FBXW7: variants seen among roughly 807,000 people sequenced by gnomAD.
FBXW7 encodes F-box and WD repeat domain containing 7.
A neutral mutation model predicts 86.3 loss-of-function variants in FBXW7; 11 were observed. The observed-to-expected ratio is 0.13, with a 90% CI of 0.08 to 0.21. FBXW7 has a LOEUF of 0.21. Ranked by LOEUF, FBXW7 falls within the 10% of genes least tolerant of loss-of-function variation. The pLI is 1.00. For missense variants in FBXW7, 488 were observed against 847.4 expected (o/e 0.58, Z 5.27); for synonymous variants, 313 against 297.9 (o/e 1.05, Z -0.52).
chr4:152,527,202 A>G (rs1039191690), intron 2 of FBXW7, among the ~76,000 whole-genome samples: 5 of 152,268 alleles, frequency 3.3e-5, no homozygotes, highest in Non-Finnish European at 7.3e-5. Context: ...TTAAAAGGAT[A>G]ATAAATAGCT....
At chr4:152,334,028 C>T (rs920588672) in intron 7 of FBXW7, among the ~76,000 whole-genome samples, 17 of 151,954 alleles carry the variant, frequency 1.1e-4, no homozygotes, top group Admixed American at 2.0e-4. Flanking sequence ...CACTCCAGCC[C>T]GGGCGACAGA....
chr4:152,414,481 A>G (rs1358206872), intron 2 of FBXW7, among the ~76,000 whole-genome samples: 1 of 152,168 alleles, frequency 6.6e-6, no homozygotes. Flanking sequence ...TATGTCCACA[A>G]ATGACTATAA....
chr4:152,330,817 A>G lies in FBXW7; in HGVS notation c.1037T>C (p.Phe346Ser). 1 of 1,612,682 alleles carries G rather than the reference A, an allele frequency of 6.2e-7. No homozygotes were observed. The highest frequency in any genetic ancestry group is 8.5e-7 in the Non-Finnish European group (1 of 1,178,960). The stretch of plus-strand genomic sequence containing the variant: ...TGCACTTTTCCATGGACTGTGTATG[A>G]AACCTGGTTTTATTACTTTTCTTCT... ...IKRRKVIKPG[F>S]IHSPWKSAYI... Residue 346 changes from phenylalanine (F) to serine (S), a missense_variant, in exon 9 of 14, where the codon TTC becomes TCC. By Grantham distance (155) the Phe-to-Ser change is radical. Around this residue, in one of 4 missense-constraint regions of FBXW7, gnomAD observed 57 missense variants for 62.8 expected, o/e 0.91. Transcript: ENST00000281708.
intron 4 of FBXW7, among the ~76,000 whole-genome samples, chr4:152,408,865 A>T (rs75177483): frequency 6.6e-6 from 1 of 152,166 alleles, no homozygotes; most frequent in Non-Finnish European, 1.5e-5. Context: ...ATGTATCTGT[A>T]GTAGGATCTT....
At chr4:152,451,215 C>A (rs1741880430) in intron 2 of FBXW7, among the ~76,000 whole-genome samples, 3 of 152,208 alleles carry the variant, frequency 2.0e-5, no homozygotes. Context: ...TCACTAACAA[C>A]AATTAAGGAT....
rs576410232 is a variant in FBXW7, at chr4:152,506,333, G to A, written c.-120+28608C>T. On this transcript the variant is annotated intron_variant, in intron 2 of 13. Coordinates refer to ENST00000281708, the MANE Select transcript of FBXW7 (RefSeq NM_001349798.2). ...TTTTTAGTAGAGACGGGGTTTCACCGTGTTAGCCAGGATGGTCTCAATCTC... is the reference window on the plus strand; with the variant it reads ...TTTTTAGTAGAGACGGGGTTTCACCATGTTAGCCAGGATGGTCTCAATCTC... Among the ~76,000 whole-genome samples the A allele has an allele frequency of 6.4e-4, 97 of 152,182 alleles. No homozygotes were observed. The East Asian group carries it at 7.7e-3, about 12-fold the overall frequency.
intron 2 of FBXW7, among the ~76,000 whole-genome samples, chr4:152,481,681 T>C (rs1004832839): frequency 6.6e-6 from 1 of 152,158 alleles, no homozygotes; most frequent in Non-Finnish European, 1.5e-5. Flanking sequence ...AAGAAGTTGA[T>C]CCCAACCCTC....
chr4:152,479,886 T>C (rs1349751961), intron 2 of FBXW7, among the ~76,000 whole-genome samples: 1 of 152,160 alleles, frequency 6.6e-6, no homozygotes, highest in Non-Finnish European at 1.5e-5. Context: ...CCTAAAGGTT[T>C]TGGCATCCAT....
intron 2 of FBXW7, among the ~76,000 whole-genome samples, chr4:152,428,810 G>A (rs1362239778): frequency 6.6e-6 from 1 of 152,184 alleles, no homozygotes; most frequent in Non-Finnish European, 1.5e-5. Context: ...ATTTGATTTT[G>A]TTGTTTTGCC....
rs1378290511 is a variant in FBXW7 at position 152,348,673 on chromosome 4, C to T, written c.584+1369G>A. 1.5e-5 allele frequency: 16 copies of T among 1,097,002 alleles called. No homozygotes were observed. The South Asian group carries it at 1.7e-4, about 12-fold the overall frequency. 68.0% of individuals were successfully genotyped at this position (1,097,002 alleles called of 1,614,324 possible). On this transcript the variant is annotated intron_variant, in intron 5 of 13. Coordinates refer to ENST00000281708, the MANE Select transcript of FBXW7 (RefSeq NM_001349798.2). ...TTAAAAACAAGTGAACAATGTAATA[C>T]CTTTGTCCTGGTATCAGCCATATTA...
intron 4 of FBXW7, among the ~76,000 whole-genome samples, chr4:152,404,861 G>C (rs1325051204): frequency 6.6e-6 from 1 of 152,084 alleles, no homozygotes; most frequent in Non-Finnish European, 1.5e-5. Flanking sequence ...GGGAGGCCCA[G>C]GCAGGAAGAT....
intron 4 of FBXW7, among the ~76,000 whole-genome samples, chr4:152,405,435 A>G (rs1560856717): frequency 6.6e-6 from 1 of 152,254 alleles, no homozygotes; most frequent in East Asian, 1.9e-4. Context: ...AGGAGAGGAG[A>G]TGAAACCAGG....
intron 7 of FBXW7, among the ~76,000 whole-genome samples, chr4:152,337,115 A>G (rs1730211695): frequency 1.3e-5 from 2 of 151,966 alleles, no homozygotes; most frequent in Non-Finnish European, 2.9e-5. Context: ...ACTATGCCTT[A>G]TAGTTATGAA....
At chr4:152,348,449 G>A (rs926185604) in intron 5 of FBXW7, among the ~76,000 whole-genome samples, 3 of 151,728 alleles carry the variant, frequency 2.0e-5, no homozygotes, top group Admixed American at 6.6e-5. Flanking sequence ...CTTCCTAACC[G>A]AGAGTCTCCA....
At chr4:152,498,185 T>C (rs1453145441) in intron 2 of FBXW7, among the ~76,000 whole-genome samples, 1 of 152,020 alleles carries the variant, frequency 6.6e-6, no homozygotes. Flanking sequence ...ATTTCATAAT[T>C]TACACAAATT....
chr4:152,427,889 A>G (rs1739528720), intron 2 of FBXW7, among the ~76,000 whole-genome samples: 1 of 152,206 alleles, frequency 6.6e-6, no homozygotes, highest in Non-Finnish European at 1.5e-5. Context: ...TAACTTCTTA[A>G]CATGTATTGT....
chr4:152,464,674 A>T (rs563982853), intron 2 of FBXW7, among the ~76,000 whole-genome samples: 75 of 152,356 alleles, frequency 4.9e-4, no homozygotes, highest in Non-Finnish European at 1.0e-3. Flanking sequence ...AGAAGAAATG[A>T]ACAGTTGTAA....
intron 6 of FBXW7, among the ~76,000 whole-genome samples, chr4:152,343,859 C>T (rs775866409): frequency 6.6e-5 from 10 of 151,620 alleles, no homozygotes; most frequent in South Asian, 2.1e-4. Flanking sequence ...ATTTGCACTT[C>T]TATTTTCTAG....
In FBXW7 at chr4:152,326,241, G is replaced by C. The variant is rs532283658; in HGVS notation, c.1419-10C>G. On this transcript the variant is annotated splice_polypyrimidine_tract_variant and intron_variant, in intron 11 of 13. Coordinates refer to ENST00000281708, the MANE Select transcript of FBXW7 (RefSeq NM_001349798.2). Reference sequence around the variant, plus strand: ...AGAACCGCTAACAACTCTGCAGAGGGAGAAACAGAAAAACAAAACAAAACA... The same window carrying C: ...AGAACCGCTAACAACTCTGCAGAGGCAGAAACAGAAAAACAAAACAAAACA... 4.1e-5 allele frequency: 66 copies of C among 1,598,234 alleles called. No individual in the cohort carries two copies. Among genetic ancestry groups the C allele is most frequent in the Non-Finnish European group, 5.2e-5 (61 of 1,170,606 alleles).
Sources: gnomAD v4.1 joint callset for allele counts (sites outside exome capture counted in the v4.1 genomes callset) on GRCh38, gnomAD v4.1.1 for gene constraint, gnomAD v4.1.1 regional missense constraint, MANE v1.5 for transcripts, NCBI Gene and HGNC (gene_info 2026-07-23, HGNC 2026-07-21) for gene names.